Variants in AGBL4 observed in about 807,000 individuals in gnomAD.
AGBL4 encodes AGBL carboxypeptidase 4, also known as cytosolic carboxypeptidase 6.
A neutral mutation model predicts 66.4 loss-of-function variants in AGBL4; 58 were observed. The ratio of observed to expected loss-of-function variants is 0.87; its 90% CI spans 0.71 to 1.09. The LOEUF is 1.09. Among genes scored for constraint, AGBL4 ranks in the 50% least tolerant of loss-of-function variants. The probability of loss-of-function intolerance (pLI) is 0.00; values close to 1 mark genes in which losing one functional copy is unlikely to be tolerated. For synonymous variants in AGBL4, 234 were observed against 222.9 expected, an observed-to-expected ratio of 1.05 and a Z score of -0.44; for missense variants, 579 against 631.0, an observed-to-expected ratio of 0.92 and a Z score of 0.88.
In AGBL4 at chr1:48,555,126, G is replaced by C. The variant is rs1418850558; in HGVS notation, c.1268-15388C>G. On this transcript the variant is annotated intron_variant, in intron 11 of 13. Transcript: ENST00000371839. ...GTGCAAAAAGTGGGATTTAATATTGGAGACACCCTGGAAGCTTCTCAGAAT... is the reference window on the plus strand; with the variant it reads ...GTGCAAAAAGTGGGATTTAATATTGCAGACACCCTGGAAGCTTCTCAGAAT... Among the ~76,000 whole-genome samples, 11 of 152,010 alleles carry C rather than the reference G, an allele frequency of 7.2e-5. No homozygotes were observed. The South Asian group carries it at 8.3e-4, about 11-fold the overall frequency.
intron 3 of AGBL4, among the ~76,000 whole-genome samples, chr1:49,515,068 A>G (rs1286011500): frequency 6.6e-6 from 1 of 152,164 alleles, no homozygotes; most frequent in Non-Finnish European, 1.5e-5. Flanking sequence ...GCTTCTGCAC[A>G]GCAAAAGAAA....
At chr1:49,845,362 A>C (rs1187090525) in intron 2 of AGBL4, 3 of 1,422,852 alleles carry the variant, frequency 2.1e-6, no homozygotes, top group Non-Finnish European at 3.0e-6. Flanking sequence ...CTTCAGTTTT[A>C]TGTCCTCCTT....
At chr1:49,595,229 CA>C (rs1482425082) in intron 3 of AGBL4, among the ~76,000 whole-genome samples, 1 of 152,130 alleles carries the variant, frequency 6.6e-6, no homozygotes, top group Non-Finnish European at 1.5e-5. Context: ...GTTGGGACTA[CA>C]GGCACACACC....
chr1:49,695,091 G>A (rs1235238396), intron 3 of AGBL4, among the ~76,000 whole-genome samples: 1 of 151,926 alleles, frequency 6.6e-6, no homozygotes, highest in East Asian at 1.9e-4. Flanking sequence ...AGGAGTTAGT[G>A]GGTTCCTGGA....
At chr1:49,036,726 T>C (rs1242308239) in intron 5 of AGBL4, among the ~76,000 whole-genome samples, 2 of 32,016 alleles carry the variant, frequency 6.2e-5, no homozygotes, top group Non-Finnish European at 2.0e-4. Context: ...CTCAGCTAAT[T>C]TTTTTTTTTT....
At chr1:49,676,314 A>T (rs911167874) in intron 3 of AGBL4, among the ~76,000 whole-genome samples, 1 of 152,024 alleles carries the variant, frequency 6.6e-6, no homozygotes, top group Non-Finnish European at 1.5e-5. Flanking sequence ...GTCTGTATTC[A>T]TCACCTTTTA....
chr1:49,449,077 A>G (rs1385807670), intron 3 of AGBL4, among the ~76,000 whole-genome samples: 3 of 152,056 alleles, frequency 2.0e-5, no homozygotes, highest in Non-Finnish European at 2.9e-5. Context: ...GAATTACTAA[A>G]TTGTGATATA....
At chr1:48,983,085 T>C (rs1171902828) in intron 5 of AGBL4, among the ~76,000 whole-genome samples, 1 of 152,192 alleles carries the variant, frequency 6.6e-6, no homozygotes, top group African/African-American at 2.4e-5. Flanking sequence ...GATGTTATTT[T>C]GGGACCAAGT....
chr1:49,828,244 T>C (rs1645562131), intron 2 of AGBL4, among the ~76,000 whole-genome samples: 2 of 152,146 alleles, frequency 1.3e-5, no homozygotes, highest in African/African-American at 2.4e-5. Flanking sequence ...GCTCTGGAGA[T>C]AGAGCAAATA....
In AGBL4 at chr1:49,991,647, C is replaced by A. The variant is rs142898487; in HGVS notation, c.34+32116G>T. Among the ~76,000 whole-genome samples the A allele has an allele frequency of 3.9e-4, 59 of 152,292 alleles. No homozygotes were observed. In the East Asian group the frequency reaches 0.011, roughly 28 times the overall value. On this transcript the variant is annotated intron_variant, in intron 1 of 13. Transcript: ENST00000371839. ...CCTCATCATATCCACATGGATATAC[C>A]ATTATTACTGCAAGTTCAAGGTGCC...
chr1:49,740,494 G>C (rs978158846), intron 2 of AGBL4, among the ~76,000 whole-genome samples: 5 of 152,090 alleles, frequency 3.3e-5, no homozygotes, highest in African/African-American at 1.2e-4. Context: ...AGATCAACGA[G>C]ACAAAAAGTT....
chr1:49,548,696 T>C (rs1652708223), intron 3 of AGBL4, among the ~76,000 whole-genome samples: 1 of 152,212 alleles, frequency 6.6e-6, no homozygotes, highest in Non-Finnish European at 1.5e-5. Context: ...TGTTAAGGGT[T>C]TTAGCATCTA....
chr1:48,788,932 T>TTA (rs1409794444), intron 6 of AGBL4, among the ~76,000 whole-genome samples: 2 of 152,112 alleles, frequency 1.3e-5, no homozygotes, highest in Non-Finnish European at 2.9e-5. Flanking sequence ...AAGTGAAATT[T>TTA]TATATATATA....
rs559218803 is a variant in AGBL4, at chr1:49,611,254, G to A, written c.282+86059C>T. Among the ~76,000 whole-genome samples, 118 of 152,186 alleles carry A rather than the reference G, an allele frequency of 7.8e-4. 1 individual carries two copies. In the South Asian group the frequency reaches 0.024, roughly 31 times the overall value. On this transcript the variant is annotated intron_variant, in intron 3 of 13. Transcript: ENST00000371839. ...GAATTTGCTGATTAAGTCCATAAAAGTCAGCGTCATGGGGCACTAAGCAAG... is the reference window on the plus strand; with the variant it reads ...GAATTTGCTGATTAAGTCCATAAAAATCAGCGTCATGGGGCACTAAGCAAG...
At chr1:48,958,878 T>C (rs1404124894) in intron 5 of AGBL4, among the ~76,000 whole-genome samples, 7 of 152,228 alleles carry the variant, frequency 4.6e-5, no homozygotes, top group Non-Finnish European at 7.3e-5. Context: ...ACCCATGTTT[T>C]TATTTTGCAC....
chr1:49,861,401 G>A (rs1181817997), intron 1 of AGBL4, among the ~76,000 whole-genome samples: 2 of 151,888 alleles, frequency 1.3e-5, no homozygotes, highest in African/African-American at 4.8e-5. Flanking sequence ...AAAGAAAAGA[G>A]TAGTGAGGAC....
intron 2 of AGBL4, chr1:49,845,565 A>C: frequency 6.2e-7 from 1 of 1,600,902 alleles, no homozygotes; most frequent in Non-Finnish European, 8.6e-7. Flanking sequence ...AAATCCACAC[A>C]GGGGAGAAGC....
rs950884256 is a variant in AGBL4, at chr1:49,738,019, G to C, written c.158-40582C>G. 2.0e-5 allele frequency among the ~76,000 whole-genome samples: 3 copies of C among 152,334 alleles called. No homozygotes were observed. The East Asian group carries it at 5.8e-4, about 29-fold the overall frequency. On this transcript the variant is annotated intron_variant, in intron 2 of 13. Transcript: ENST00000371839. ...CCGAGCGTGAGCATTTCCAACTGAG[G>C]TACCAGGTTCATTTCACTAGGGACT...
chr1:49,234,006 C>T (rs1244527453), intron 4 of AGBL4, among the ~76,000 whole-genome samples: 1 of 152,088 alleles, frequency 6.6e-6, no homozygotes, highest in Non-Finnish European at 1.5e-5. Flanking sequence ...ATCTGGCTGG[C>T]TAGAATAGAG....
Sources: gnomAD v4.1 joint callset for allele counts (sites outside exome capture counted in the v4.1 genomes callset) on GRCh38, gnomAD v4.1.1 for gene constraint, MANE v1.5 for transcripts, NCBI Gene and HGNC (gene_info 2026-07-23, HGNC 2026-07-21) for gene names.